VPS8: variants seen among roughly 807,000 people sequenced by gnomAD.
The protein encoded by VPS8 is VPS8 subunit of CORVET complex, also known as vacuolar protein sorting-associated protein 8 homolog.
A neutral mutation model predicts 216.4 loss-of-function variants in VPS8; 129 were observed. That is an observed-to-expected ratio of 0.60 (90% CI 0.52 to 0.69). VPS8 has a LOEUF of 0.69. Among genes scored for constraint, VPS8 ranks in the 30% least tolerant of loss-of-function variants. The probability of loss-of-function intolerance (pLI) is 0.00; values close to 1 mark genes in which losing one functional copy is unlikely to be tolerated. For synonymous variants in VPS8, 571 were observed against 565.4 expected, an observed-to-expected ratio of 1.01 and a Z score of -0.14; for missense variants, 1,531 against 1,683.5, an observed-to-expected ratio of 0.91 and a Z score of 1.59.
chr3:184,913,655 T>C, intron 26 of VPS8, 94 bp downstream of exon 26: 1 of 1,041,650 alleles, frequency 9.6e-7, no homozygotes, highest in Non-Finnish European at 1.4e-6. Flanking sequence ...TATATAGTAC[T>C]TTTAATTTTG....
At chr3:184,852,309 A>T (rs1399446097) in intron 10 of VPS8, among the ~76,000 whole-genome samples, 191 bp from the exon 11 acceptor site, 6 of 152,192 alleles carry the variant, frequency 3.9e-5, no homozygotes, top group African/African-American at 7.2e-5. Flanking sequence ...TTTTTTAAAG[A>T]TATTGGACCA....
chr3:185,048,658 C>T, intron 47 of VPS8, 99 bp downstream of exon 47: 1 of 1,321,710 alleles, frequency 7.6e-7, no homozygotes, highest in Admixed American at 1.9e-5. Context: ...CTCCTTCTAG[C>T]CTGGAAGGTG....
At chr3:184,981,587 C>G (rs1046980737) in intron 40 of VPS8, among the ~76,000 whole-genome samples, 1 of 152,018 alleles carries the variant, frequency 6.6e-6, no homozygotes, top group Non-Finnish European at 1.5e-5. Flanking sequence ...GCACCTGCCA[C>G]CACGCCTGGC....
At position 184,966,674 on chromosome 3, in the gene VPS8, C is replaced by T. The variant is rs1373205633; in HGVS notation, c.3277C>T (p.Leu1093=). 6.3e-7 allele frequency: 1 copy of T among 1,589,368 alleles called. No homozygotes were observed. Among genetic ancestry groups the T allele is most frequent in the Non-Finnish European group, 8.6e-7 (1 of 1,164,678 alleles). Residue 1093 remains leucine (L), a synonymous_variant, in exon 39 of 48, where the codon CTA becomes TTA. Transcript: ENST00000625842. ...HGAFLIMLER[L]QSKLQEVTHQ... ...CTATGTTCTTTTTATCTCCTAGAGA[C>T]TACAAAGCAAACTTCAAGAGGTAAC... is the stretch of plus-strand genomic sequence containing the variant.
At chr3:184,862,849 G>T (rs1209711828) in intron 15 of VPS8, 48 bp from the exon 16 acceptor site, 3 of 1,567,768 alleles carry the variant, frequency 1.9e-6, no homozygotes, top group Non-Finnish European at 2.6e-6. Flanking sequence ...CCCAAATGAT[G>T]AAGCGGGTGT....
chr3:184,924,946 A>G lies in VPS8; in HGVS notation c.2539A>G (p.Asn847Asp), dbSNP rs1010074897. 2 of 1,613,748 alleles carry G rather than the reference A, an allele frequency of 1.2e-6. No individual in the cohort carries two copies. Among genetic ancestry groups the G allele is most frequent in the African/African-American group, 2.7e-5 (2 of 74,908 alleles). ...TGCTCGGCAGCTTGCAAAGCCTGAC[A>G]ACACCTTGTTTGTAAACAGAACACT... ...FLARQLAKPDNTLFVNRTLFD... is the reference protein window; with the variant it reads ...FLARQLAKPDDTLFVNRTLFD... The change falls in exon 30 of 48, where the codon AAC becomes GAC. Residue 847 changes from asparagine (N) to aspartate (D), a missense_variant. Around this residue, in one of 3 missense-constraint regions of VPS8, gnomAD observed 1,318 missense variants for 1,468.4 expected, o/e 0.90. Coordinates refer to ENST00000625842, the MANE Select transcript of VPS8 (RefSeq NM_001009921.3).
intron 41 of VPS8, 62 bp downstream of exon 41, chr3:184,982,709 C>G: frequency 7.7e-7 from 1 of 1,293,024 alleles, no homozygotes; most frequent in Non-Finnish European, 1.1e-6. Context: ...TATTTGTCTG[C>G]AGAAACTATC....
chr3:184,898,733 A>G (rs933031484), intron 24 of VPS8, 79 bp downstream of exon 24: 1 of 1,089,478 alleles, frequency 9.2e-7, no homozygotes, highest in Non-Finnish European at 1.3e-6. Flanking sequence ...TGCTTTTAAT[A>G]GTTTCTAGTT....
intron 21 of VPS8, among the ~76,000 whole-genome samples, chr3:184,877,100 A>G (rs887616967): frequency 5.9e-5 from 9 of 152,096 alleles, no homozygotes; most frequent in African/African-American, 1.9e-4. Context: ...CTTTACCCAG[A>G]GCCTTTGTGC....
At chr3:184,903,574 C>G (rs949918178) in intron 25 of VPS8, among the ~76,000 whole-genome samples, 4 of 152,076 alleles carry the variant, frequency 2.6e-5, no homozygotes, top group South Asian at 4.2e-4. Context: ...TCCTCAGCCT[C>G]CCAAGTAGCT....
At chr3:184,889,719 C>A (rs555091434) in intron 22 of VPS8, among the ~76,000 whole-genome samples, 1 of 152,096 alleles carries the variant, frequency 6.6e-6, no homozygotes, top group Non-Finnish European at 1.5e-5. Flanking sequence ...AAGGTCGGGG[C>A]TGTGAAACTA....
At chr3:184,950,747 G>A (rs1452972838) in intron 36 of VPS8, among the ~76,000 whole-genome samples, 2 of 151,904 alleles carry the variant, frequency 1.3e-5, no homozygotes. Flanking sequence ...GCCCTGGTAT[G>A]TGTTCTTCCC....
chr3:184,995,131 T>C (rs776855539), intron 43 of VPS8, among the ~76,000 whole-genome samples: 29 of 152,224 alleles, frequency 1.9e-4, no homozygotes, highest in Admixed American at 5.2e-4. Context: ...AAATGGTCAT[T>C]AGTCTTCCCT....
chr3:184,821,295 C>A (rs573561002), intron 1 of VPS8, among the ~76,000 whole-genome samples: 1 of 151,538 alleles, frequency 6.6e-6, no homozygotes, highest in East Asian at 1.9e-4. Flanking sequence ...GAGCTAACTT[C>A]ATAGAAGACT....
At chr3:184,996,273 T>C in intron 43 of VPS8, 59 bp from the exon 44 acceptor site, 2 of 1,509,792 alleles carry the variant, frequency 1.3e-6, no homozygotes, top group East Asian at 2.3e-5. Flanking sequence ...ATTCATCTCC[T>C]CTATCTCTTT....
At position 184,893,619 on chromosome 3, in the gene VPS8, G is replaced by A. The variant is rs76774511; in HGVS notation, c.1782-1084G>A. ...GTAGGATTATACATTGTGGGTGGCA[G>A]TGTCAATTGATGCTGTGATGCTTTT... On this transcript the variant is annotated intron_variant, in intron 22 of 47. Coordinates refer to ENST00000625842, the MANE Select transcript of VPS8 (RefSeq NM_001009921.3). Among the ~76,000 whole-genome samples the A allele has an allele frequency of 4.8e-3, 734 of 152,336 alleles. 8 individuals are homozygous for A. Among genetic ancestry groups the A allele is most frequent in the African/African-American group, 0.017 (690 of 41,584 alleles).
chr3:184,989,233 T>G (rs1243227763), intron 42 of VPS8, among the ~76,000 whole-genome samples: 1 of 152,214 alleles, frequency 6.6e-6, no homozygotes, highest in African/African-American at 2.4e-5. Flanking sequence ...AGTATGATGT[T>G]AGCTGCAAGG....
rs773458358 is a variant in VPS8 at position 184,894,902 on chromosome 3, A to G, written c.1981A>G (p.Ile661Val). Residue 661 changes from isoleucine to valine, a missense_variant, in exon 23 of 48, where the codon ATC (isoleucine) becomes GTC (valine). Ile to Val is a conservative substitution (Grantham distance 29). This residue lies in a region of VPS8 where 1,318 missense variants were observed against 1,468.4 expected (regional missense o/e 0.90). Transcript: ENST00000625842. ...GGAAGCGCTCATTGTACATATGGAT[A>G]TCACCAGCCTAGATATTCAGCAGGT... is the stretch of plus-strand genomic sequence containing the variant. ...NVEALIVHMD[I>V]TSLDIQQVVL... The G allele has an allele frequency of 6.2e-7, 1 of 1,606,908 alleles. No homozygotes were observed. Among genetic ancestry groups the G allele is most frequent in the Admixed American group, 1.7e-5 (1 of 59,446 alleles).
At chr3:184,915,604 T>C in intron 28 of VPS8, 130 bp downstream of exon 28, 7 of 939,092 alleles carry the variant, frequency 7.5e-6, no homozygotes, top group African/African-American at 1.7e-5. Flanking sequence ...AGGTCAGGAG[T>C]TCCAGACCAG....
Sources: allele counts gnomAD v4.1 joint callset (sites outside exome capture counted in the v4.1 genomes callset), GRCh38; gene constraint gnomAD v4.1.1; regional missense constraint gnomAD v4.1.1; transcripts MANE v1.5; gene names NCBI Gene and HGNC (gene_info 2026-07-23, HGNC 2026-07-21).